The following SLC16A7 variants were observed in gnomAD, a reference collection of about 807,000 sequenced individuals.
SLC16A7 encodes the protein monocarboxylate transporter 2.
Under a neutral mutation model 34.9 loss-of-function variants are expected in SLC16A7, and 33 were observed. That is an observed-to-expected ratio of 0.94 (90% CI 0.72 to 1.26). The LOEUF (loss-of-function observed/expected upper bound fraction) is 1.26. SLC16A7 is among the 50% of genes most tolerant of loss of function. The pLI, the probability that SLC16A7 is intolerant of heterozygous loss-of-function variation, is 0.00. For missense variants in SLC16A7, 573 were observed against 578.1 expected (o/e 0.99, Z 0.09); for synonymous variants, 201 against 206.6 (o/e 0.97, Z 0.23).
chr12:59,725,586 C>T (rs1291892320), intron 3 of SLC16A7, among the ~76,000 whole-genome samples: 2 of 152,074 alleles, frequency 1.3e-5, no homozygotes, highest in African/African-American at 4.8e-5. Flanking sequence ...GACTTCTTTA[C>T]TGCTTAATAA....
At chr12:59,744,042 A>G (rs1432756546) in intron 3 of SLC16A7, among the ~76,000 whole-genome samples, 1 of 152,244 alleles carries the variant, frequency 6.6e-6, no homozygotes, top group African/African-American at 2.4e-5. Flanking sequence ...GAGAAACAAA[A>G]AAAGATTCAG....
At chr12:59,648,305 A>G (rs1457051111) in intron 1 of SLC16A7, among the ~76,000 whole-genome samples, 1 of 152,226 alleles carries the variant, frequency 6.6e-6, no homozygotes, top group Admixed American at 6.5e-5. Flanking sequence ...ATAATTGCAT[A>G]GTCCATTCCA....
intron 2 of SLC16A7, among the ~76,000 whole-genome samples, chr12:59,686,862 T>C (rs1199957287): frequency 6.6e-6 from 1 of 152,038 alleles, no homozygotes; most frequent in Non-Finnish European, 1.5e-5. Context: ...GTTCAAGAAA[T>C]TTATTATACA....
rs1883360994 is a variant in SLC16A7 at position 59,783,080 on chromosome 12, T to C, written c.*3401T>C. 1 of 152,202 alleles carries C rather than the reference T, an allele frequency of 6.6e-6. No homozygotes were observed. Among genetic ancestry groups the C allele is most frequent in the Non-Finnish European group, 1.5e-5 (1 of 68,026 alleles). The allele number at this position is 152,202 out of a possible 1,614,324, so 9.4% of individuals were successfully genotyped here. On this transcript the variant is annotated 3_prime_UTR_variant, in exon 6 of 6. Coordinates refer to ENST00000547379, the MANE Select transcript of SLC16A7 (RefSeq NM_001270623.2). ...AAGACTAAAAGATATATGATATAAA[T>C]GTAAGTTTTTATGTAGATGACATAA...
At chr12:59,660,875 T>C (rs1868812384) in intron 2 of SLC16A7, among the ~76,000 whole-genome samples, 1 of 152,196 alleles carries the variant, frequency 6.6e-6, no homozygotes, top group Non-Finnish European at 1.5e-5. Context: ...TCAAACTTCA[T>C]TTATTTATAT....
intron 3 of SLC16A7, among the ~76,000 whole-genome samples, 192 bp downstream of exon 3, chr12:59,705,210 G>A (rs915741768): frequency 6.6e-6 from 1 of 152,092 alleles, no homozygotes; most frequent in South Asian, 2.1e-4. Flanking sequence ...TATTTGCTTC[G>A]AATTGAGTCT....
At chr12:59,614,988 G>A (rs1312985126) in intron 1 of SLC16A7, among the ~76,000 whole-genome samples, 3 of 151,414 alleles carry the variant, frequency 2.0e-5, no homozygotes, top group African/African-American at 7.3e-5. Context: ...GGTCGACAGA[G>A]CAAGGATCCA....
intron 2 of SLC16A7, among the ~76,000 whole-genome samples, chr12:59,688,674 T>C (rs887931265): frequency 4.6e-5 from 7 of 152,044 alleles, no homozygotes; most frequent in Admixed American, 3.9e-4. Flanking sequence ...CTCTTTACAA[T>C]TATGCAGGAG....
chr12:59,757,712 T>C (rs976986460), intron 3 of SLC16A7, among the ~76,000 whole-genome samples: 4 of 152,120 alleles, frequency 2.6e-5, no homozygotes, highest in Non-Finnish European at 5.9e-5. Context: ...CTGGCACCCC[T>C]GAGTCAGCCA....
chr12:59,676,834 A>G (rs1870352937), intron 2 of SLC16A7, among the ~76,000 whole-genome samples: 1 of 150,792 alleles, frequency 6.6e-6, no homozygotes, highest in Non-Finnish European at 1.5e-5. Context: ...TGCAAACGTT[A>G]CTTAAAAATC....
intron 2 of SLC16A7, among the ~76,000 whole-genome samples, chr12:59,680,675 C>G (rs566889155): frequency 9.9e-5 from 15 of 152,130 alleles, no homozygotes; most frequent in Middle Eastern, 6.8e-3. Flanking sequence ...CATTGCCTCT[C>G]TCCTCTACTA....
intron 3 of SLC16A7, among the ~76,000 whole-genome samples, chr12:59,770,149 T>G (rs1171728465): frequency 6.6e-6 from 1 of 152,160 alleles, no homozygotes; most frequent in African/African-American, 2.4e-5. Flanking sequence ...CAGATTATTT[T>G]AATAATTTTA....
chr12:59,767,668 A>T (rs1259338270), intron 3 of SLC16A7, among the ~76,000 whole-genome samples: 2 of 152,146 alleles, frequency 1.3e-5, no homozygotes, highest in Non-Finnish European at 2.9e-5. Context: ...TAAGAAAAAA[A>T]GTTCCTTTCA....
intron 1 of SLC16A7, among the ~76,000 whole-genome samples, chr12:59,638,073 G>C (rs1273684918): frequency 6.6e-6 from 1 of 152,040 alleles, no homozygotes. Context: ...AGTACAAAAT[G>C]AGCTAAGATT....
intron 1 of SLC16A7, among the ~76,000 whole-genome samples, chr12:59,611,285 CCTT>C (rs1879181263): frequency 6.6e-6 from 1 of 152,164 alleles, no homozygotes; most frequent in African/African-American, 2.4e-5. Context: ...GCAAACATGT[CCTT>C]CTTCACATGG....
intron 1 of SLC16A7, among the ~76,000 whole-genome samples, chr12:59,649,099 C>G (rs1037876871): frequency 1.3e-5 from 2 of 152,102 alleles, no homozygotes; most frequent in African/African-American, 4.8e-5. Context: ...TTATTCTGAG[C>G]CTCTATCTTG....
chr12:59,673,765 C>G lies in SLC16A7; in HGVS notation c.-31+18515C>G, dbSNP rs550458826. Among the ~76,000 whole-genome samples the G allele has an allele frequency of 1.1e-3, 167 of 152,258 alleles. 1 individual carries two copies. Among genetic ancestry groups the G allele is most frequent in the African/African-American group, 3.7e-3 (153 of 41,568 alleles). On this transcript the variant is annotated intron_variant, in intron 2 of 5. Coordinates refer to ENST00000547379, the MANE Select transcript of SLC16A7 (RefSeq NM_001270623.2). ...TCAGTTCTTCAAATGACTTAAGTCTCTATTGGTCTTTGCTGTGATACTTGT... is the reference window on the plus strand; with the variant it reads ...TCAGTTCTTCAAATGACTTAAGTCTGTATTGGTCTTTGCTGTGATACTTGT...
Position 59,755,812 on chromosome 12 carries a change from C to G in SLC16A7, c.218-15407C>G, listed in dbSNP as rs541353007. Among the ~76,000 whole-genome samples, 4 of 152,208 alleles carry G rather than the reference C, an allele frequency of 2.6e-5. 1 individual carries two copies. Among genetic ancestry groups the G allele is most frequent in the Admixed American group, 2.6e-4 (4 of 15,288 alleles). On this transcript the variant is annotated intron_variant, in intron 3 of 5. Transcript: ENST00000547379. ...CCTCATCGCCAAGTCAATCCTAAGC[C>G]AAAAGAACAAAGCTGGAGGCATCAC...
intron 2 of SLC16A7, among the ~76,000 whole-genome samples, chr12:59,702,832 C>T (rs192693980): frequency 1.8e-4 from 27 of 151,946 alleles, no homozygotes; most frequent in East Asian, 9.7e-4. Context: ...TTACATCACT[C>T]GGCAGTCTTA....
Sources: gnomAD v4.1 joint callset for allele counts (sites outside exome capture counted in the v4.1 genomes callset) on GRCh38, gnomAD v4.1.1 for gene constraint, MANE v1.5 for transcripts, NCBI Gene and HGNC (gene_info 2026-07-23, HGNC 2026-07-21) for gene names.